The following RPS6KC1 variants were observed in gnomAD, a reference collection of about 807,000 sequenced individuals.
The protein encoded by RPS6KC1 is inactive ribosomal protein S6 kinase delta-1.
A neutral mutation model predicts 103.8 loss-of-function variants in RPS6KC1; 54 were observed. The ratio of observed to expected loss-of-function variants is 0.52; its 90% CI spans 0.42 to 0.65. The LOEUF (loss-of-function observed/expected upper bound fraction) is 0.65, where lower values mean the gene tolerates loss of function less well. Ranked by LOEUF, RPS6KC1 falls within the 30% of genes least tolerant of loss-of-function variation. RPS6KC1 has a pLI of 0.00. For synonymous variants in RPS6KC1, 439 were observed against 438.7 expected (o/e 1.00, Z -0.01); for missense variants, 1,151 against 1,253.8 (o/e 0.92, Z 1.24).
At chr1:213,541,773 T>G in the RPS6KC1 span, among the ~76,000 whole-genome samples, 4 of 152,178 alleles carry the variant, frequency 2.6e-5, no homozygotes, top group East Asian at 7.7e-4. Flanking sequence ...GCACAAGCTG[T>G]GTGTGAGCAA....
At chr1:213,612,441 C>T in the RPS6KC1 span, among the ~76,000 whole-genome samples, 6 of 152,194 alleles carry the variant, frequency 3.9e-5, no homozygotes, top group African/African-American at 1.4e-4. Flanking sequence ...AATAGAAGGC[C>T]CAAGTATAGT....
At chr1:213,728,245 G>A in the RPS6KC1 span, among the ~76,000 whole-genome samples, 3 of 152,192 alleles carry the variant, frequency 2.0e-5, no homozygotes, top group African/African-American at 7.2e-5. Context: ...AATTATCTGA[G>A]GGGCTAGAGT....
At chr1:213,389,118 G>A in the RPS6KC1 span, among the ~76,000 whole-genome samples, 2 of 151,550 alleles carry the variant, frequency 1.3e-5, no homozygotes, top group African/African-American at 4.9e-5. Flanking sequence ...AGTGGCTGGA[G>A]CTAGCTTTTT....
Position 213,272,942 on chromosome 1 carries a change from G to A in RPS6KC1, c.*308G>A, listed in dbSNP as rs966314431. The A allele has an allele frequency of 9.4e-6, 2 of 213,488 alleles. No homozygotes were observed. The highest frequency in any genetic ancestry group is 1.9e-5 in the Non-Finnish European group (2 of 103,802). 13.2% of individuals were successfully genotyped at this position (213,488 alleles called of 1,614,324 possible). ...AAGAGTTCCTTCAAGAAGTTCCTCTGATAGGAAGCTAGAAGTGTAGAATGA... is the reference window on the plus strand; with the variant it reads ...AAGAGTTCCTTCAAGAAGTTCCTCTAATAGGAAGCTAGAAGTGTAGAATGA... On this transcript the variant is annotated 3_prime_UTR_variant, in exon 15 of 15. Transcript: ENST00000366960.
At chr1:213,343,736 C>T in the RPS6KC1 span, among the ~76,000 whole-genome samples, 4 of 151,514 alleles carry the variant, frequency 2.6e-5, no homozygotes, top group Non-Finnish European at 4.4e-5. Flanking sequence ...TCCCAGAAAT[C>T]GCCACTAAAG....
At chr1:213,428,386 C>T in the RPS6KC1 span, among the ~76,000 whole-genome samples, 1 of 149,058 alleles carries the variant, frequency 6.7e-6, no homozygotes, top group Non-Finnish European at 1.5e-5. Flanking sequence ...TTCTTTTTTA[C>T]CTCCCTCTCT....
At chr1:213,113,923 C>G (rs1416060197) in intron 4 of RPS6KC1, among the ~76,000 whole-genome samples, 2 of 152,250 alleles carry the variant, frequency 1.3e-5, no homozygotes, top group East Asian at 1.9e-4. Context: ...ATCTATATCT[C>G]TATTTTGGTA....
chr1:213,346,558 G>A, the RPS6KC1 span, among the ~76,000 whole-genome samples: 1 of 152,142 alleles, frequency 6.6e-6, no homozygotes, highest in Non-Finnish European at 1.5e-5. Flanking sequence ...TTATCTCGGA[G>A]TAATGGGATA....
At chr1:213,201,664 G>A (rs7543158) in intron 8 of RPS6KC1, among the ~76,000 whole-genome samples, 6,594 of 152,220 alleles carry the variant, frequency 0.043, 412 homozygotes, top group African/African-American at 0.15. Context: ...TCTTAGTTGC[G>A]GAGGTTGTGT....
the RPS6KC1 span, among the ~76,000 whole-genome samples, chr1:213,596,771 A>G: frequency 6.6e-6 from 1 of 152,218 alleles, no homozygotes; most frequent in Non-Finnish European, 1.5e-5. Context: ...TCTGTTCATT[A>G]TTTACTTCTC....
the RPS6KC1 span, among the ~76,000 whole-genome samples, chr1:213,681,903 G>T: frequency 0.046 from 6,945 of 152,208 alleles, 535 homozygotes; most frequent in African/African-American, 0.16. Flanking sequence ...CAACACAAGA[G>T]TCTCACTCTG....
the RPS6KC1 span, among the ~76,000 whole-genome samples, chr1:213,405,826 C>T: frequency 6.6e-6 from 1 of 152,088 alleles, no homozygotes; most frequent in Admixed American, 6.6e-5. Context: ...GACACATGAA[C>T]CAGTGGCATG....
the RPS6KC1 span, among the ~76,000 whole-genome samples, chr1:213,552,378 T>C: frequency 2.0e-5 from 3 of 152,182 alleles, no homozygotes; most frequent in Non-Finnish European, 4.4e-5. Flanking sequence ...CTTGCCAGCA[T>C]TTGGTCTCGT....
intron 2 of RPS6KC1, among the ~76,000 whole-genome samples, chr1:213,071,509 A>G (rs2078879457): frequency 6.6e-6 from 1 of 152,172 alleles, no homozygotes; most frequent in Non-Finnish European, 1.5e-5. Context: ...TTTGAGACCT[A>G]CTAAGTAATT....
chr1:213,767,257 T>C, the RPS6KC1 span, among the ~76,000 whole-genome samples: 2 of 152,190 alleles, frequency 1.3e-5, no homozygotes, highest in East Asian at 3.9e-4. Flanking sequence ...CCTATCAAAA[T>C]CTAGTCTGAA....
chr1:213,293,915 G>C, the RPS6KC1 span, among the ~76,000 whole-genome samples: 1 of 152,110 alleles, frequency 6.6e-6, no homozygotes, highest in Non-Finnish European at 1.5e-5. Context: ...TTGGAAAATA[G>C]GAAACAATTC....
chr1:213,857,370 G>T, the RPS6KC1 span, among the ~76,000 whole-genome samples: 22 of 152,146 alleles, frequency 1.4e-4, no homozygotes, highest in Admixed American at 4.6e-4. Flanking sequence ...TGAAAATTAT[G>T]CTTATAAAAA....
chr1:213,862,153 T>C, the RPS6KC1 span, among the ~76,000 whole-genome samples: 1 of 152,186 alleles, frequency 6.6e-6, no homozygotes, highest in African/African-American at 2.4e-5. Flanking sequence ...GACCATTTGC[T>C]GCACATGCTA....
intron 4 of RPS6KC1, among the ~76,000 whole-genome samples, chr1:213,112,527 A>T (rs972860377): frequency 1.3e-5 from 2 of 151,554 alleles, no homozygotes; most frequent in African/African-American, 4.8e-5. Context: ...TATATTGTAT[A>T]CAAGTGGTTC....
Sources: gnomAD v4.1 joint callset for allele counts (sites outside exome capture counted in the v4.1 genomes callset) on GRCh38, gnomAD v4.1.1 for gene constraint, MANE v1.5 for transcripts, NCBI Gene and HGNC (gene_info 2026-07-23, HGNC 2026-07-21) for gene names.